The following ARHGAP22 variants were observed in gnomAD, a reference collection of about 807,000 sequenced individuals.
ARHGAP22 encodes Rho GTPase activating protein 22.
Under a neutral mutation model 59.1 loss-of-function variants are expected in ARHGAP22, and 48 were observed. The ratio of observed to expected loss-of-function variants is 0.81; its 90% CI spans 0.64 to 1.03. ARHGAP22 has a LOEUF of 1.03. ARHGAP22 is among the 50% of genes least tolerant of loss of function. ARHGAP22 has a pLI of 0.00. For missense variants in ARHGAP22, 1,015 were observed against 958.7 expected, an observed-to-expected ratio of 1.06 and a Z score of -0.78; for synonymous variants, 445 against 416.4, an observed-to-expected ratio of 1.07 and a Z score of -0.84.
chr10:48,581,496 G>C (rs576427679), intron 2 of ARHGAP22, among the ~76,000 whole-genome samples: 1 of 152,312 alleles, frequency 6.6e-6, no homozygotes, highest in South Asian at 2.1e-4. Flanking sequence ...TAACTACTTA[G>C]AGTTCTCCTT....
At chr10:48,469,036 T>C (rs60262503) in intron 4 of ARHGAP22, among the ~76,000 whole-genome samples, 23,996 of 152,146 alleles carry the variant, frequency 0.16, 2,012 homozygotes, top group African/African-American at 0.21. Flanking sequence ...GCAGAAGCTC[T>C]CACCAACCAG....
chr10:48,655,031 ATTCT>A (rs1385320986), upstream of ARHGAP22, among the ~76,000 whole-genome samples: 386 of 35,838 alleles, frequency 0.011, 50 homozygotes, highest in African/African-American at 0.041. Flanking sequence ...TCTTTCTTTC[ATTCT>A]TTCTTTCTTT....
rs754066555 is a variant in ARHGAP22, at chr10:48,476,820, T to C, written c.451+2816A>G. Among the ~76,000 whole-genome samples the C allele has an allele frequency of 2.0e-5, 3 of 152,142 alleles. No individual in the cohort carries two copies. In the South Asian group the frequency reaches 6.2e-4, roughly 32 times the overall value. ...TGGCCGGGGAGCCAGGCCTGCTGGG[T>C]GCAGGTCTTGGTGCAGCTCTTGGAC... On this transcript the variant is annotated intron_variant, in intron 4 of 9. Coordinates refer to ENST00000249601, the MANE Select transcript of ARHGAP22 (RefSeq NM_021226.4).
chr10:48,606,067 G>T (rs957135005), upstream of ARHGAP22, among the ~76,000 whole-genome samples: 3 of 152,176 alleles, frequency 2.0e-5, no homozygotes, highest in African/African-American at 7.2e-5. Context: ...TTAGGCATCT[G>T]AGCTTGGGTC....
In ARHGAP22 at chr10:48,640,072, A is replaced by G. The variant is rs529934818; in HGVS notation, c.52+12162T>C. 7.4e-4 allele frequency among the ~76,000 whole-genome samples: 113 copies of G among 152,348 alleles called. 3 individuals are homozygous for G. Among genetic ancestry groups the G allele is most frequent in the Admixed American group, 6.5e-4 (10 of 15,306 alleles). On this transcript the variant is annotated intron_variant, in intron 1 of 9. Transcript: ENST00000435790. ...TGCTTGAGTTGAACATTCAATAACT[A>G]AAATAAAAATTTGCTGGAGGAGCTC... is the stretch of plus-strand genomic sequence containing the variant.
chr10:48,476,770 G>C (rs1393155060), intron 4 of ARHGAP22, among the ~76,000 whole-genome samples: 1 of 152,184 alleles, frequency 6.6e-6, no homozygotes, highest in East Asian at 1.9e-4. Context: ...CCAATTCTGG[G>C]CAAGCACAGA....
chr10:48,524,076 C>T, intron 3 of ARHGAP22: 3 of 1,475,780 alleles, frequency 2.0e-6, no homozygotes, highest in Admixed American at 4.4e-5. Context: ...CAGGTGTCCC[C>T]TCCAGTCCTT....
chr10:48,636,879 A>G (rs1167552835), intron 1 of ARHGAP22, among the ~76,000 whole-genome samples: 1 of 152,236 alleles, frequency 6.6e-6, no homozygotes, highest in Non-Finnish European at 1.5e-5. Context: ...CCACTCATAG[A>G]ATCAGGATAT....
intron 3 of ARHGAP22, among the ~76,000 whole-genome samples, chr10:48,494,560 C>T (rs1171285976): frequency 1.3e-5 from 2 of 152,222 alleles, no homozygotes; most frequent in African/African-American, 4.8e-5. Context: ...TCCACTTGTT[C>T]ATCTGCCCAT....
At chr10:48,450,074 G>C (rs1386948402) in intron 9 of ARHGAP22, among the ~76,000 whole-genome samples, 187 bp downstream of exon 9, 1 of 152,254 alleles carries the variant, frequency 6.6e-6, no homozygotes, top group Non-Finnish European at 1.5e-5. Context: ...GACTGACTGC[G>C]TGCCAGACTG....
chr10:48,562,952 T>C (rs913009017), intron 2 of ARHGAP22, among the ~76,000 whole-genome samples: 2 of 152,168 alleles, frequency 1.3e-5, no homozygotes, highest in South Asian at 2.1e-4. Flanking sequence ...AATTCTGCAA[T>C]GGGCCTTACT....
At chr10:48,468,644 G>A (rs1306287768) in intron 4 of ARHGAP22, among the ~76,000 whole-genome samples, 2 of 152,158 alleles carry the variant, frequency 1.3e-5, no homozygotes, top group Middle Eastern at 6.3e-3. Context: ...GTTTGTTAGA[G>A]CTGCAATGTG....
At chr10:48,582,186 AG>A (rs1335748890) in intron 2 of ARHGAP22, among the ~76,000 whole-genome samples, 1 of 152,196 alleles carries the variant, frequency 6.6e-6, no homozygotes, top group South Asian at 2.1e-4. Context: ...GACACCGAAC[AG>A]GGGATCTGCC....
At chr10:48,535,507 G>T (rs974989505) in intron 3 of ARHGAP22, among the ~76,000 whole-genome samples, 1 of 152,222 alleles carries the variant, frequency 6.6e-6, no homozygotes, top group African/African-American at 2.4e-5. Context: ...AGCCTCAGAG[G>T]TCACCTGTCA....
intron 4 of ARHGAP22, among the ~76,000 whole-genome samples, chr10:48,465,204 C>T (rs1449479652): frequency 6.6e-6 from 1 of 152,244 alleles, no homozygotes; most frequent in Non-Finnish European, 1.5e-5. Context: ...GTGGGTTCCT[C>T]GAGGTCCCAG....
intron 8 of ARHGAP22, among the ~76,000 whole-genome samples, chr10:48,451,992 G>A (rs911808183): frequency 2.1e-5 from 3 of 145,838 alleles, no homozygotes; most frequent in Admixed American, 6.8e-5. Context: ...TGCACCCTCC[G>A]CAGCCTCCCC....
intron 2 of ARHGAP22, among the ~76,000 whole-genome samples, chr10:48,581,358 AACTGTTC>A (rs113332857): frequency 5.9e-5 from 9 of 152,324 alleles, no homozygotes; most frequent in African/African-American, 2.2e-4. Flanking sequence ...CCAGTTTGCA[AACTGTTC>A]ACTGGAATAA....
At chr10:48,592,927 C>G (rs2059850113) in intron 1 of ARHGAP22, among the ~76,000 whole-genome samples, 1 of 152,228 alleles carries the variant, frequency 6.6e-6, no homozygotes, top group South Asian at 2.1e-4. Flanking sequence ...TGTGAAAACC[C>G]TGCAGGTTCC....
chr10:48,656,265 TG>T (rs760924651), upstream of ARHGAP22: 21 of 101,598 alleles, frequency 2.1e-4, no homozygotes, highest in African/African-American at 8.6e-4. Context: ...TCGGCGCCTC[TG>T]GGGGGGGGGG....
Sources: gnomAD v4.1 joint callset for allele counts (sites outside exome capture counted in the v4.1 genomes callset) on GRCh38, gnomAD v4.1.1 for gene constraint, MANE v1.5 for transcripts, NCBI Gene and HGNC (gene_info 2026-07-23, HGNC 2026-07-21) for gene names.